ENOX1: variants seen among roughly 807,000 people sequenced by gnomAD.
ENOX1 encodes ecto-NOX disulfide-thiol exchanger 1.
ENOX1 carries 42 observed loss-of-function variants against 82.5 expected under a neutral mutation model. The observed-to-expected ratio is 0.51, with a 90% CI of 0.40 to 0.66. The LOEUF (loss-of-function observed/expected upper bound fraction) is 0.66. ENOX1 is among the 30% of genes least tolerant of loss of function. The pLI is 0.00. For missense variants in ENOX1, 608 were observed against 811.6 expected (o/e 0.75, Z 3.05); for synonymous variants, 271 against 282.2 (o/e 0.96, Z 0.40).
chr13:43,700,200 G>C (rs980124278), intron 1 of ENOX1, among the ~76,000 whole-genome samples: 2 of 152,072 alleles, frequency 1.3e-5, no homozygotes, highest in African/African-American at 4.8e-5. Flanking sequence ...AAGCAAGACA[G>C]CCAATAATTC....
At chr13:43,399,763 T>C (rs1480034443) in intron 5 of ENOX1, among the ~76,000 whole-genome samples, 1 of 152,166 alleles carries the variant, frequency 6.6e-6, no homozygotes, top group Non-Finnish European at 1.5e-5. Context: ...CATCTGTCTC[T>C]TGCAGAGACA....
intron 2 of ENOX1, among the ~76,000 whole-genome samples, chr13:43,644,170 C>A (rs2083790211): frequency 6.6e-6 from 1 of 152,114 alleles, no homozygotes; most frequent in South Asian, 2.1e-4. Context: ...TTTCTTAGTA[C>A]CAGCACTTGT....
At chr13:43,351,873 G>A (rs1425373965) in intron 8 of ENOX1, among the ~76,000 whole-genome samples, 1 of 151,984 alleles carries the variant, frequency 6.6e-6, no homozygotes, top group Non-Finnish European at 1.5e-5. Context: ...TGTGAATAAT[G>A]CCAAGCAAAA....
intron 2 of ENOX1, among the ~76,000 whole-genome samples, chr13:43,591,937 C>T (rs771586331): frequency 1.6e-4 from 24 of 152,090 alleles, no homozygotes; most frequent in Non-Finnish European, 2.8e-4. Context: ...AGCCCTGTGC[C>T]AGGGGACACC....
chr13:43,785,702 A>G (rs549678825), intron 1 of ENOX1, among the ~76,000 whole-genome samples: 1 of 152,098 alleles, frequency 6.6e-6, no homozygotes, highest in East Asian at 1.9e-4. Context: ...CCACCTGTCG[A>G]CCCCACTTTC....
Position 43,777,287 on chromosome 13 carries a change from C to T in ENOX1, c.-285+9365G>A, listed in dbSNP as rs186781068. Among the ~76,000 whole-genome samples the T allele has an allele frequency of 2.6e-3, 390 of 152,012 alleles. 7 individuals are homozygous for T. The highest frequency in any genetic ancestry group is 2.9e-3 in the Non-Finnish European group (194 of 67,978). On this transcript the variant is annotated intron_variant, in intron 1 of 16. Coordinates refer to ENST00000690772, the MANE Select transcript of ENOX1 (RefSeq NM_001347969.2). ...AATTAAGTCAGGACTAGTCCAAACA[C>T]GTGAAAAAAATTCTTAAGAAAAATT... is the stretch of plus-strand genomic sequence containing the variant.
intron 2 of ENOX1, among the ~76,000 whole-genome samples, chr13:43,642,158 A>G (rs2083683494): frequency 6.6e-6 from 1 of 152,222 alleles, no homozygotes; most frequent in South Asian, 2.1e-4. Context: ...GCAATTTCAA[A>G]GGTCCTGCCA....
At chr13:43,767,349 T>A (rs1951339220) in intron 1 of ENOX1, among the ~76,000 whole-genome samples, 1 of 152,192 alleles carries the variant, frequency 6.6e-6, no homozygotes, top group South Asian at 2.1e-4. Context: ...CATTTTTAGT[T>A]ACTGTTTCTG....
intron 3 of ENOX1, among the ~76,000 whole-genome samples, chr13:43,466,692 A>G (rs2057740252): frequency 6.6e-6 from 1 of 152,170 alleles, no homozygotes; most frequent in Non-Finnish European, 1.5e-5. Flanking sequence ...GTACAGTTCA[A>G]TGCTTTCTAG....
chr13:43,754,104 G>C (rs913499037), intron 1 of ENOX1, among the ~76,000 whole-genome samples: 1 of 10,354 alleles, frequency 9.7e-5, no homozygotes, highest in Non-Finnish European at 6.6e-4. Flanking sequence ...ATATGTATAC[G>C]TATATGTATA....
At chr13:43,444,697 G>A (rs150601948) in intron 3 of ENOX1, among the ~76,000 whole-genome samples, 15 of 152,298 alleles carry the variant, frequency 9.8e-5, no homozygotes, top group African/African-American at 2.4e-4. Flanking sequence ...TTTAAAAAAC[G>A]TGTATAAGAG....
chr13:43,322,997 G>A (rs937708637), intron 10 of ENOX1, among the ~76,000 whole-genome samples: 1 of 152,208 alleles, frequency 6.6e-6, no homozygotes, highest in Non-Finnish European at 1.5e-5. Context: ...ATTAAAAATA[G>A]TTTTGAGGAT....
intron 2 of ENOX1, among the ~76,000 whole-genome samples, chr13:43,503,841 T>C (rs368082471): frequency 2.0e-5 from 3 of 151,702 alleles, no homozygotes; most frequent in Non-Finnish European, 4.4e-5. Flanking sequence ...GCAATAGATA[T>C]GTGGGATCAC....
At chr13:43,539,526 A>C (rs1464459750) in intron 2 of ENOX1, among the ~76,000 whole-genome samples, 1 of 152,194 alleles carries the variant, frequency 6.6e-6, no homozygotes, top group African/African-American at 2.4e-5. Flanking sequence ...TTGTAGCTTA[A>C]ATAAATTATG....
In ENOX1 at chr13:43,238,620, G is replaced by A. The variant is rs557549157; in HGVS notation, c.1612-1882C>T. Among the ~76,000 whole-genome samples, 10 of 152,204 alleles carry A rather than the reference G, an allele frequency of 6.6e-5. No individual in the cohort carries two copies. In the South Asian group the frequency reaches 2.1e-3, roughly 32 times the overall value. On this transcript the variant is annotated intron_variant, in intron 14 of 16. Coordinates refer to ENST00000690772, the MANE Select transcript of ENOX1 (RefSeq NM_001347969.2). ...CAGACGCAAGCTGAAGCTTTGTAAG[G>A]TCTCCCAAGAGAGGTGTAGGAAGAA...
At chr13:43,262,917 G>A (rs2044160925) in intron 14 of ENOX1, among the ~76,000 whole-genome samples, 1 of 152,180 alleles carries the variant, frequency 6.6e-6, no homozygotes, top group African/African-American at 2.4e-5. Context: ...TCAGTCACAT[G>A]GCTACTCAGT....
At chr13:43,396,350 A>C (rs1363760090) in intron 5 of ENOX1, among the ~76,000 whole-genome samples, 3 of 152,174 alleles carry the variant, frequency 2.0e-5, no homozygotes, top group African/African-American at 7.2e-5. Context: ...ATATACAAAC[A>C]AACAACATCA....
chr13:43,550,377 G>T (rs1047622019), intron 2 of ENOX1, among the ~76,000 whole-genome samples: 4 of 152,154 alleles, frequency 2.6e-5, no homozygotes, highest in African/African-American at 9.7e-5. Flanking sequence ...CATTCAACAC[G>T]GTGTCTTCCT....
intron 2 of ENOX1, among the ~76,000 whole-genome samples, chr13:43,651,213 T>A (rs2084153252): frequency 6.6e-6 from 1 of 151,660 alleles, no homozygotes; most frequent in Admixed American, 6.6e-5. Flanking sequence ...CTATGATTAT[T>A]ATCTAAAAAG....
Sources: allele counts gnomAD v4.1 joint callset (sites outside exome capture counted in the v4.1 genomes callset), GRCh38; gene constraint gnomAD v4.1.1; transcripts MANE v1.5; gene names NCBI Gene and HGNC (gene_info 2026-07-23, HGNC 2026-07-21).